Variants in CCDC192 observed in about 807,000 individuals in gnomAD.
CCDC192 encodes the protein coiled-coil domain-containing protein 192.
intron 6 of CCDC192, among the ~76,000 whole-genome samples, chr5:127,931,572 C>T (rs1233205971): frequency 1.3e-5 from 2 of 152,096 alleles, no homozygotes; most frequent in African/African-American, 4.8e-5. Flanking sequence ...TAGGATTTAG[C>T]CAAATCTTGG....
intron 5 of CCDC192, among the ~76,000 whole-genome samples, chr5:127,812,189 A>G (rs1015277856): frequency 1.3e-5 from 2 of 152,218 alleles, no homozygotes; most frequent in African/African-American, 4.8e-5. Flanking sequence ...AATTTTATGT[A>G]AGTGCTTGCT....
At chr5:127,823,577 T>C (rs540946859) in intron 5 of CCDC192, among the ~76,000 whole-genome samples, 1 of 152,348 alleles carries the variant, frequency 6.6e-6, no homozygotes, top group South Asian at 2.1e-4. Context: ...CTTTCCCCTG[T>C]GCCAGCCAAT....
chr5:127,865,018 G>A (rs947582283), intron 5 of CCDC192, among the ~76,000 whole-genome samples: 5 of 152,196 alleles, frequency 3.3e-5, no homozygotes, highest in South Asian at 4.1e-4. Flanking sequence ...GTGGTGGCAC[G>A]TGCCTGTAGT....
chr5:127,711,148 T>C (rs1165313928), intron 2 of CCDC192, among the ~76,000 whole-genome samples: 1 of 152,178 alleles, frequency 6.6e-6, no homozygotes, highest in Non-Finnish European at 1.5e-5. Flanking sequence ...AAATAAGCAA[T>C]GTAAAACATA....
chr5:127,920,725 A>G (rs959227705), intron 6 of CCDC192, among the ~76,000 whole-genome samples: 5 of 151,756 alleles, frequency 3.3e-5, no homozygotes, highest in Non-Finnish European at 5.9e-5. Flanking sequence ...AAGAGGTATT[A>G]ATAAGTTATT....
At chr5:127,905,882 C>G (rs962199583) in intron 6 of CCDC192, among the ~76,000 whole-genome samples, 24 of 152,156 alleles carry the variant, frequency 1.6e-4, no homozygotes, top group African/African-American at 5.8e-4. Context: ...TAATTTATGC[C>G]AGGTAGCCAA....
Position 127,863,857 on chromosome 5 carries a change from G to A in CCDC192, c.412-11681G>A, listed in dbSNP as rs572003835. Among the ~76,000 whole-genome samples the A allele has an allele frequency of 4.6e-5, 7 of 152,220 alleles. No individual in the cohort carries two copies. The East Asian group carries it at 5.8e-4, about 13-fold the overall frequency. ...AGTAGAGGTCACTTTCAACTTTGAC[G>A]CATAAAAACTGAGCAAAATTAAGGA... On this transcript the variant is annotated intron_variant, in intron 5 of 6. Coordinates refer to ENST00000514853, the MANE Select transcript of CCDC192 (RefSeq NM_001317938.2).
chr5:127,817,454 T>G (rs1749078390), intron 5 of CCDC192, among the ~76,000 whole-genome samples: 1 of 152,194 alleles, frequency 6.6e-6, no homozygotes, highest in Admixed American at 6.6e-5. Flanking sequence ...GGAATATTAT[T>G]TATCCATAAA....
chr5:127,792,262 A>T (rs1188397944), intron 3 of CCDC192, among the ~76,000 whole-genome samples: 2 of 152,166 alleles, frequency 1.3e-5, no homozygotes, highest in African/African-American at 2.4e-5. Flanking sequence ...GGAAACTTAC[A>T]ATTATTGTGG....
intron 6 of CCDC192, among the ~76,000 whole-genome samples, chr5:127,914,708 G>A (rs1753468803): frequency 6.6e-6 from 1 of 152,144 alleles, no homozygotes; most frequent in African/African-American, 2.4e-5. Flanking sequence ...AATAACAGTA[G>A]TTAACATTTC....
chr5:127,852,271 C>T (rs1048536961), intron 5 of CCDC192, among the ~76,000 whole-genome samples: 24 of 152,184 alleles, frequency 1.6e-4, no homozygotes, highest in Admixed American at 1.3e-3. Flanking sequence ...AATTTACTCA[C>T]ATTTTCACAA....
chr5:127,891,593 A>G (rs533838475), intron 6 of CCDC192, among the ~76,000 whole-genome samples: 2 of 152,208 alleles, frequency 1.3e-5, no homozygotes, highest in African/African-American at 2.4e-5. Context: ...CATCTCATGC[A>G]TGCATCATAT....
At chr5:127,727,593 T>C (rs1395835329) in intron 2 of CCDC192, among the ~76,000 whole-genome samples, 1 of 152,026 alleles carries the variant, frequency 6.6e-6, no homozygotes, top group African/African-American at 2.4e-5. Context: ...CAAAACTACA[T>C]AAACTCATGC....
chr5:127,897,948 G>T (rs1752938384), intron 6 of CCDC192, among the ~76,000 whole-genome samples: 1 of 152,012 alleles, frequency 6.6e-6, no homozygotes, highest in African/African-American at 2.4e-5. Context: ...TAACATACTG[G>T]GCAGTATAAC....
chr5:127,807,706 G>C (rs1352167386), intron 5 of CCDC192, among the ~76,000 whole-genome samples: 1 of 152,080 alleles, frequency 6.6e-6, no homozygotes, highest in African/African-American at 2.4e-5. Context: ...ATTTCAACCA[G>C]AGAGCTCTGT....
At chr5:127,762,373 A>C (rs1398644071) in intron 3 of CCDC192, among the ~76,000 whole-genome samples, 2 of 152,234 alleles carry the variant, frequency 1.3e-5, no homozygotes, top group African/African-American at 4.8e-5. Flanking sequence ...ACAGCAGACA[A>C]GTTCCCTCCT....
At chr5:127,851,123 A>C (rs1444591312) in intron 5 of CCDC192, among the ~76,000 whole-genome samples, 1 of 152,186 alleles carries the variant, frequency 6.6e-6, no homozygotes, top group Non-Finnish European at 1.5e-5. Flanking sequence ...TGGCTTCTGC[A>C]AATCTCCCTT....
chr5:127,910,803 T>C (rs1753324925), intron 6 of CCDC192, among the ~76,000 whole-genome samples: 1 of 152,128 alleles, frequency 6.6e-6, no homozygotes, highest in South Asian at 2.1e-4. Context: ...GTATAACCCA[T>C]GGGGAATAGG....
At chr5:127,705,248 T>C (rs1416111866) in intron 1 of CCDC192, among the ~76,000 whole-genome samples, 3 of 152,226 alleles carry the variant, frequency 2.0e-5, no homozygotes, top group Admixed American at 2.0e-4. Flanking sequence ...ATGGTTACTC[T>C]GAGGCCATGA....
Sources: allele counts gnomAD v4.1 joint callset (sites outside exome capture counted in the v4.1 genomes callset), GRCh38; gene constraint gnomAD v4.1.1; transcripts MANE v1.5; gene names NCBI Gene and HGNC (gene_info 2026-07-23, HGNC 2026-07-21).